Variants in CD302 observed in about 807,000 individuals in gnomAD.
The protein encoded by CD302 is CD302 antigen.
A neutral mutation model predicts 26.5 loss-of-function variants in CD302; 23 were observed. That is an observed-to-expected ratio of 0.87 (90% CI 0.62 to 1.23). The LOEUF (loss-of-function observed/expected upper bound fraction) is 1.23, where lower values mean the gene tolerates loss of function less well. Ranked by LOEUF, CD302 falls within the 50% of genes most tolerant of loss-of-function variation. The pLI is 0.00. For synonymous variants in CD302, 90 were observed against 99.4 expected (o/e 0.91, Z 0.56); for missense variants, 290 against 275.5 (o/e 1.05, Z -0.37).
At chr2:159,787,543 CAAAT>C (rs1708700994) in intron 1 of CD302, among the ~76,000 whole-genome samples, 1 of 152,076 alleles carries the variant, frequency 6.6e-6, no homozygotes, top group Non-Finnish European at 1.5e-5. Flanking sequence ...ATTAATACCT[CAAAT>C]AAATCAGTAC....
chr2:159,774,589 TC>T (rs1300178593), intron 5 of CD302, among the ~76,000 whole-genome samples: 1 of 152,168 alleles, frequency 6.6e-6, no homozygotes, highest in East Asian at 1.9e-4. Context: ...CAGCAAAAAT[TC>T]AACCCTTCAC....
At chr2:159,798,053 C>A in intron 1 of CD302, 79 bp downstream of exon 1, 2 of 1,362,014 alleles carry the variant, frequency 1.5e-6, no homozygotes, top group Non-Finnish European at 2.0e-6. Context: ...CTCGGGTGCG[C>A]GGGGACGAAG....
intron 1 of CD302, among the ~76,000 whole-genome samples, chr2:159,788,427 C>T (rs1294054744): frequency 6.6e-6 from 1 of 152,180 alleles, no homozygotes; most frequent in Non-Finnish European, 1.5e-5. Context: ...GGCTCCAGCA[C>T]GTGGCCTAGG....
At chr2:159,793,616 A>T (rs1708866739) in intron 1 of CD302, among the ~76,000 whole-genome samples, 1 of 152,194 alleles carries the variant, frequency 6.6e-6, no homozygotes, top group African/African-American at 2.4e-5. Flanking sequence ...CAACTGTGGC[A>T]CAGACAGATG....
At chr2:159,784,777 A>G (rs1708621183) in intron 1 of CD302, among the ~76,000 whole-genome samples, 1 of 152,294 alleles carries the variant, frequency 6.6e-6, no homozygotes, top group East Asian at 1.9e-4. Context: ...TACTAAGCTC[A>G]GAATATGGCA....
At chr2:159,787,822 A>C (rs1179534508) in intron 1 of CD302, among the ~76,000 whole-genome samples, 4 of 152,170 alleles carry the variant, frequency 2.6e-5, no homozygotes, top group African/African-American at 9.7e-5. Context: ...TTGATACTCT[A>C]TAAATGTCTC....
At chr2:159,782,211 C>T (rs932168755) in intron 2 of CD302, among the ~76,000 whole-genome samples, 11 of 151,530 alleles carry the variant, frequency 7.3e-5, no homozygotes, top group Non-Finnish European at 1.0e-4. Context: ...GGTCAGGAGA[C>T]GAGACCATCC....
intron 4 of CD302, among the ~76,000 whole-genome samples, chr2:159,778,533 G>C (rs2125798301): frequency 6.6e-6 from 1 of 152,282 alleles, no homozygotes; most frequent in South Asian, 2.1e-4. Context: ...GCTGTAGCAA[G>C]TAAAGAAATG....
chr2:159,777,853 AG>A, intron 5 of CD302, 84 bp downstream of exon 5: 1 of 648,264 alleles, frequency 1.5e-6, no homozygotes, highest in Non-Finnish European at 2.4e-6. Context: ...AATTTTAAAA[AG>A]GGATCTGTAA....
intron 1 of CD302, among the ~76,000 whole-genome samples, chr2:159,790,958 A>G (rs1185061815): frequency 6.6e-6 from 1 of 152,144 alleles, no homozygotes; most frequent in Non-Finnish European, 1.5e-5. Flanking sequence ...TCTTTTTTTC[A>G]TCTTTTGCTC....
chr2:159,772,088 T>C (rs776343413), intron 5 of CD302, 35 bp from the exon 6 acceptor site: 5 of 1,603,426 alleles, frequency 3.1e-6, no homozygotes, highest in African/African-American at 1.3e-5. Flanking sequence ...ATTTGGGAAA[T>C]TAGGGTACAC....
chr2:159,780,281 T>G (rs1369826939), intron 3 of CD302, 103 bp from the exon 4 acceptor site: 2 of 1,229,560 alleles, frequency 1.6e-6, no homozygotes, highest in Non-Finnish European at 2.2e-6. Flanking sequence ...GTATGTCTGG[T>G]CTAAACTTCT....
At chr2:159,773,742 A>G (rs1408527678) in intron 5 of CD302, among the ~76,000 whole-genome samples, 3 of 152,200 alleles carry the variant, frequency 2.0e-5, no homozygotes, top group African/African-American at 4.8e-5. Context: ...TGTGTAGTTT[A>G]TATCTGGAGG....
In CD302 at chr2:159,783,584, T is replaced by G. The variant is rs911123610; in HGVS notation, c.68-115A>C. On this transcript the variant is annotated intron_variant, in intron 1 of 5. Transcript: ENST00000259053. ...TCACACACACACAAAGGCAATTTCC[T>G]TTGTTAAATCTTTATTAAAATAAGA... The G allele has an allele frequency of 1.9e-5, 13 of 674,536 alleles. No individual in the cohort carries two copies. The African/African-American group carries it at 2.0e-4, about 11-fold the overall frequency. 41.8% of individuals were successfully genotyped at this position (674,536 alleles called of 1,614,324 possible).
chr2:159,777,429 T>G (rs1466722507), intron 5 of CD302, among the ~76,000 whole-genome samples: 2 of 152,210 alleles, frequency 1.3e-5, no homozygotes, highest in Non-Finnish European at 2.9e-5. Context: ...GTAACATGAT[T>G]CAAGCATTTT....
chr2:159,795,342 A>G (rs1372093191), intron 1 of CD302, among the ~76,000 whole-genome samples: 1 of 152,228 alleles, frequency 6.6e-6, no homozygotes, highest in African/African-American at 2.4e-5. Context: ...AAAAATTGCA[A>G]TCCACTTATC....
chr2:159,792,890 A>G (rs975398173), intron 1 of CD302, among the ~76,000 whole-genome samples: 8 of 152,172 alleles, frequency 5.3e-5, no homozygotes, highest in African/African-American at 1.9e-4. Context: ...TTCTCATGCT[A>G]TAGATCCCCG....
chr2:159,790,239 T>C (rs1262147086), intron 1 of CD302, among the ~76,000 whole-genome samples: 2 of 151,994 alleles, frequency 1.3e-5, no homozygotes, highest in Non-Finnish European at 2.9e-5. Context: ...ATTCCGAAGG[T>C]AGGATAGGTA....
chr2:159,794,061 G>T (rs1298752570), intron 1 of CD302, among the ~76,000 whole-genome samples: 1 of 146,800 alleles, frequency 6.8e-6, no homozygotes, highest in Admixed American at 6.9e-5. Context: ...AGGAGTTTGG[G>T]ACTAGCCTGG....
Sources: gnomAD v4.1 joint callset for allele counts (sites outside exome capture counted in the v4.1 genomes callset) on GRCh38, gnomAD v4.1.1 for gene constraint, MANE v1.5 for transcripts, NCBI Gene and HGNC (gene_info 2026-07-23, HGNC 2026-07-21) for gene names.